The following NECTIN1 variants were observed in gnomAD, a reference collection of about 807,000 sequenced individuals.
NECTIN1 encodes nectin-1.
Under a neutral mutation model 48.0 loss-of-function variants are expected in NECTIN1, and 23 were observed. The observed-to-expected ratio is 0.48, with a 90% CI of 0.34 to 0.68. The LOEUF is 0.68. Among genes scored for constraint, NECTIN1 ranks in the 30% least tolerant of loss-of-function variants. The pLI is 0.01. For missense variants in NECTIN1, 591 were observed against 709.9 expected (o/e 0.83, Z 1.90); for synonymous variants, 270 against 288.9 (o/e 0.93, Z 0.66).
chr11:119,645,560 G>A (rs919306096), intron 5 of NECTIN1, among the ~76,000 whole-genome samples: 1 of 152,182 alleles, frequency 6.6e-6, no homozygotes, highest in Non-Finnish European at 1.5e-5. Context: ...CTGCACTCCT[G>A]TAGCGTCAGC....
At position 119,727,813 on chromosome 11, in the gene NECTIN1, C is replaced by A. The variant is rs1345611083; in HGVS notation, c.79+662G>T. On this transcript the variant is annotated intron_variant, in intron 1 of 5. Transcript: ENST00000264025. The surrounding 1 kb of genome is among the most constrained non-coding windows in gnomAD (Gnocchi z 4.1). ...GCGGTGTCTCCTCCAGGGAGAGCCC[C>A]CAGAGCTGGGAGCAGAGTTCCGAGG... Among the ~76,000 whole-genome samples the A allele has an allele frequency of 1.3e-5, 2 of 152,314 alleles. No individual in the cohort carries two copies. Among genetic ancestry groups the A allele is most frequent in the Admixed American group, 6.5e-5 (1 of 15,312 alleles).
downstream of NECTIN1, among the ~76,000 whole-genome samples, chr11:119,656,758 C>T (rs183171246): frequency 7.9e-4 from 121 of 152,338 alleles, no homozygotes; most frequent in Middle Eastern, 6.8e-3. Flanking sequence ...CCCTGCCACC[C>T]TCCCCTTCCG....
intron 1 of NECTIN1, among the ~76,000 whole-genome samples, chr11:119,718,361 T>A (rs183664558): frequency 7.8e-4 from 119 of 152,286 alleles, no homozygotes; most frequent in African/African-American, 2.6e-3. Context: ...GCTGTCCTGA[T>A]CCTGCCTGGG....
chr11:119,659,502 G>A (rs370586871), downstream of NECTIN1, among the ~76,000 whole-genome samples: 13 of 152,216 alleles, frequency 8.5e-5, no homozygotes, highest in African/African-American at 3.1e-4. Flanking sequence ...CTGGAGGGAT[G>A]GAGGCAAGGG....
intron 4 of NECTIN1, 139 bp downstream of exon 4, chr11:119,676,963 C>T (rs909479659): frequency 5.4e-6 from 4 of 739,888 alleles, no homozygotes; most frequent in Non-Finnish European, 9.7e-6. Context: ...GTTGTTCTCT[C>T]ATGGCCCCGC....
intron 1 of NECTIN1, among the ~76,000 whole-genome samples, chr11:119,696,476 C>G (rs551177077): frequency 6.6e-6 from 1 of 152,244 alleles, no homozygotes; most frequent in Admixed American, 6.5e-5. Context: ...AGAAGCAGGT[C>G]AAAGCAAATC....
chr11:119,700,471 G>GCTGCTCGGTTGATCCTTCCTTCAGGTTC (rs1392565536), intron 1 of NECTIN1, among the ~76,000 whole-genome samples: 2 of 152,202 alleles, frequency 1.3e-5, no homozygotes, highest in East Asian at 3.9e-4. Flanking sequence ...ACACAGGAAG[G>GCTGCTCGGTTGATCCTTCCTTCAGGTTC]CTGCTCGGTT....
chr11:119,714,341 A>G (rs7927749), intron 1 of NECTIN1, among the ~76,000 whole-genome samples: 13,955 of 152,198 alleles, frequency 0.092, 2,153 homozygotes, highest in African/African-American at 0.31. Context: ...TCCCAGGGCC[A>G]TGACATGCCA....
downstream of NECTIN1, among the ~76,000 whole-genome samples, chr11:119,660,535 A>T (rs1204438963): frequency 6.6e-6 from 1 of 152,134 alleles, no homozygotes; most frequent in Admixed American, 6.5e-5. Context: ...GGCAGGCGTG[A>T]CACTGCTGGT....
intron 1 of NECTIN1, among the ~76,000 whole-genome samples, chr11:119,711,769 G>C (rs1435756539): frequency 6.6e-6 from 1 of 152,200 alleles, no homozygotes; most frequent in African/African-American, 2.4e-5. Context: ...TGGGAGTGTA[G>C]AGCAGTCAGT....
chr11:119,644,739 CAG>C (rs1349886829), intron 5 of NECTIN1, among the ~76,000 whole-genome samples: 2 of 151,952 alleles, frequency 1.3e-5, no homozygotes, highest in African/African-American at 4.8e-5. Context: ...ACATTGTAGG[CAG>C]AGTGAGGAGG....
intron 5 of NECTIN1, among the ~76,000 whole-genome samples, chr11:119,646,107 C>T (rs925897593): frequency 2.0e-5 from 3 of 152,206 alleles, no homozygotes; most frequent in African/African-American, 4.8e-5. Flanking sequence ...TGCATTTCAG[C>T]CTTGTGTCTG....
Position 119,663,660 on chromosome 11 carries a change from C to G in NECTIN1, c.*1087G>C, listed in dbSNP as rs778554225. 5.3e-5 allele frequency: 52 copies of G among 985,462 alleles called. No individual in the cohort carries two copies. The highest frequency in any genetic ancestry group is 6.3e-5 in the Non-Finnish European group (52 of 829,964). 61.0% of individuals were successfully genotyped at this position (985,462 alleles called of 1,614,324 possible). The stretch of plus-strand genomic sequence containing the variant: ...TTACCTCTGACTCCTGCAGGTGGAT[C>G]CCCCTGGGATCCCAGCCCTGACTAG... On this transcript the variant is annotated 3_prime_UTR_variant, in exon 6 of 6. Transcript: ENST00000264025.
chr11:119,649,903 C>T (rs1368612410), intron 5 of NECTIN1, among the ~76,000 whole-genome samples: 1 of 152,130 alleles, frequency 6.6e-6, no homozygotes, highest in Non-Finnish European at 1.5e-5. Context: ...TCATGTGTGT[C>T]CGTGTGAAGA....
At chr11:119,656,364 G>A (rs191903763), downstream of NECTIN1, 1 of 152,236 alleles carries the variant, frequency 6.6e-6, no homozygotes, top group African/African-American at 2.4e-5. Flanking sequence ...GAGACGATTA[G>A]CATGGCCCTG....
At chr11:119,658,277 T>C (rs1591444344), downstream of NECTIN1, among the ~76,000 whole-genome samples, 1 of 152,120 alleles carries the variant, frequency 6.6e-6, no homozygotes, top group African/African-American at 2.4e-5. Flanking sequence ...GGTGAGGACA[T>C]TGACTGCAGC....
chr11:119,678,543 C>T lies in NECTIN1; in HGVS notation c.302G>A (p.Arg101Gln), dbSNP rs200181526. Residue 101 changes from arginine (R) to glutamine (Q), a missense_variant, in exon 2 of 6, where the codon CGG (arginine) becomes CAG (glutamine). Arg to Gln is a conservative substitution (Grantham distance 43). Transcript: ENST00000264025. This position sits in a 1 kb window ranked among gnomAD's most constrained non-coding sequence, Gnocchi z 4.4. ...GATAGTGCCATCGGTGAAGGAGGGC[C>T]GCAGGAATTCCACACGCTCGCGGTA... ...APYRERVEFL[R>Q]PSFTDGTIRL... 44 of 1,614,062 alleles carry T rather than the reference C, an allele frequency of 2.7e-5. No homozygotes were observed. Among genetic ancestry groups the T allele is most frequent in the Middle Eastern group, 1.6e-4 (1 of 6,084 alleles).
intron 1 of NECTIN1, among the ~76,000 whole-genome samples, chr11:119,719,599 G>A (rs1242898160): frequency 6.6e-6 from 1 of 152,238 alleles, no homozygotes; most frequent in East Asian, 1.9e-4. Context: ...GTTTACAACA[G>A]TGCCTGGCAT....
chr11:119,671,727 T>C (rs1864863972), intron 5 of NECTIN1, among the ~76,000 whole-genome samples: 1 of 152,106 alleles, frequency 6.6e-6, no homozygotes, highest in Non-Finnish European at 1.5e-5. Flanking sequence ...GGTCCACCTC[T>C]GGGAAGCCCT....
Sources: gnomAD v4.1 joint callset for allele counts (sites outside exome capture counted in the v4.1 genomes callset) on GRCh38, gnomAD v4.1.1 for gene constraint, Gnocchi (gnomAD v3.1) non-coding constraint, MANE v1.5 for transcripts, NCBI Gene and HGNC (gene_info 2026-07-23, HGNC 2026-07-21) for gene names.